The following CRACR2A variants were observed in gnomAD, a reference collection of about 807,000 sequenced individuals.
CRACR2A encodes the protein calcium release activated channel regulator 2A.
Under a neutral mutation model 90.5 loss-of-function variants are expected in CRACR2A, and 79 were observed. That is an observed-to-expected ratio of 0.87 (90% CI 0.73 to 1.05). The LOEUF (loss-of-function observed/expected upper bound fraction) is 1.05, where lower values mean the gene tolerates loss of function less well. CRACR2A is among the 50% of genes least tolerant of loss of function. CRACR2A has a pLI of 0.00. For synonymous variants in CRACR2A, 338 were observed against 356.7 expected, an observed-to-expected ratio of 0.95 and a Z score of 0.59; for missense variants, 823 against 897.2, an observed-to-expected ratio of 0.92 and a Z score of 1.06.
chr12:3,733,382 C>T (rs1212427117), intron 1 of CRACR2A, among the ~76,000 whole-genome samples, 172 bp from the exon 2 acceptor site: 1 of 152,222 alleles, frequency 6.6e-6, no homozygotes, highest in Non-Finnish European at 1.5e-5. Flanking sequence ...GGACAGTGAC[C>T]TCCTCCCCAG....
intron 8 of CRACR2A, 67 bp from the exon 9 acceptor site, chr12:3,656,473 TTC>T: frequency 6.7e-7 from 1 of 1,488,846 alleles, no homozygotes; most frequent in Non-Finnish European, 9.3e-7. Context: ...GATTTTTTTT[TTC>T]CCACCTTGAA....
At chr12:3,653,938 G>A (rs1944846671) in intron 10 of CRACR2A, among the ~76,000 whole-genome samples, 1 of 152,184 alleles carries the variant, frequency 6.6e-6, no homozygotes, top group Non-Finnish European at 1.5e-5. Flanking sequence ...CCTCATATTT[G>A]TTTGCGGAAT....
At chr12:3,738,802 A>G (rs1177460493) in intron 1 of CRACR2A, among the ~76,000 whole-genome samples, 2 of 152,244 alleles carry the variant, frequency 1.3e-5, no homozygotes, top group Non-Finnish European at 2.9e-5. Flanking sequence ...ATAAGCAGAC[A>G]CATGTCAGTG....
At chr12:3,720,225 A>AAAAGAAAG (rs757788405) in intron 2 of CRACR2A, among the ~76,000 whole-genome samples, 8,203 of 125,388 alleles carry the variant, frequency 0.065, 421 homozygotes, top group East Asian at 0.12. Context: ...AGAAGAAAGA[A>AAAAGAAAG]AAAGAAAGAA....
chr12:3,677,198 C>T (rs1945351321), intron 6 of CRACR2A, among the ~76,000 whole-genome samples: 1 of 152,216 alleles, frequency 6.6e-6, no homozygotes, highest in South Asian at 2.1e-4. Flanking sequence ...CAGAACAACA[C>T]ACAAATCATT....
intron 2 of CRACR2A, among the ~76,000 whole-genome samples, chr12:3,720,621 T>G (rs1317151676): frequency 6.6e-6 from 1 of 152,238 alleles, no homozygotes; most frequent in Non-Finnish European, 1.5e-5. Context: ...CTGCTTTGCA[T>G]TGACCTGTGG....
intron 6 of CRACR2A, among the ~76,000 whole-genome samples, chr12:3,677,792 T>C (rs1002060475): frequency 6.6e-6 from 1 of 152,132 alleles, no homozygotes; most frequent in African/African-American, 2.4e-5. Context: ...CTGCTGCTGG[T>C]CTTGAGTTCC....
chr12:3,646,435 C>T (rs937463066), intron 11 of CRACR2A, among the ~76,000 whole-genome samples: 11 of 152,326 alleles, frequency 7.2e-5, no homozygotes, highest in Non-Finnish European at 1.2e-4. Flanking sequence ...CCAGGCGCTC[C>T]GCTAAGTGTG....
chr12:3,745,825 T>TAAAAG (rs149739964), intron 1 of CRACR2A, among the ~76,000 whole-genome samples: 22 of 100,482 alleles, frequency 2.2e-4, no homozygotes, highest in Non-Finnish European at 3.3e-4. Context: ...TAAAATAAAA[T>TAAAAG]AAAGAAAGAA....
At chr12:3,624,070 A>G (rs957717485) in intron 17 of CRACR2A, among the ~76,000 whole-genome samples, 1 of 152,218 alleles carries the variant, frequency 6.6e-6, no homozygotes, top group Admixed American at 6.5e-5. Context: ...TGGGATAGTA[A>G]GAACTTCCTT....
intron 15 of CRACR2A, among the ~76,000 whole-genome samples, chr12:3,631,693 G>A (rs1488240944): frequency 6.6e-6 from 1 of 152,184 alleles, no homozygotes; most frequent in Non-Finnish European, 1.5e-5. Flanking sequence ...CAGAAGGAAA[G>A]GCATGGGAAG....
intron 2 of CRACR2A, among the ~76,000 whole-genome samples, chr12:3,723,982 T>G (rs928985452): frequency 4.6e-5 from 7 of 152,146 alleles, no homozygotes; most frequent in Admixed American, 2.0e-4. Context: ...TCTAGGACAA[T>G]GGGTAACGTC....
chr12:3,644,049 C>CATATATATATATATATATATAT (rs71441831), intron 12 of CRACR2A, among the ~76,000 whole-genome samples: 5 of 133,652 alleles, frequency 3.7e-5, no homozygotes, highest in African/African-American at 1.4e-4. Flanking sequence ...TTCTACGACT[C>CATATATATATATATATATATAT]ATATATATAT....
chr12:3,744,001 G>A (rs966204535), intron 1 of CRACR2A, among the ~76,000 whole-genome samples: 3 of 152,200 alleles, frequency 2.0e-5, no homozygotes, highest in Non-Finnish European at 4.4e-5. Context: ...GACAACCACA[G>A]CCTAGGAACA....
At chr12:3,618,181 A>AAC (rs1317661051) in intron 18 of CRACR2A, among the ~76,000 whole-genome samples, 1 of 148,902 alleles carries the variant, frequency 6.7e-6, no homozygotes, top group African/African-American at 2.5e-5. Flanking sequence ...AAAAAAAAAA[A>AAC]AGAAAAGAAA....
rs1311759747 is a variant in CRACR2A at position 3,627,466 on chromosome 12, C to T, written c.1902G>A (p.Leu634=). ...MYDLTDKQSF[L]SVRRWLSSVE... ...CGCTGCTCAGCCACCGCCGGACCGA[C>T]AGGAACGACTGCTTGTCTGTGAGAT... Residue 634 remains leucine, a synonymous_variant, in exon 17 of 20, where the codon CTG becomes CTA. Transcript: ENST00000440314. The T allele has an allele frequency of 3.2e-6, 5 of 1,552,054 alleles. No individual in the cohort carries two copies. In the African/African-American group the frequency reaches 4.1e-5, roughly 13 times the overall value.
At chr12:3,693,155 CGGGGGCTGCCGT>C (rs1045120028) in intron 4 of CRACR2A, among the ~76,000 whole-genome samples, 1 of 152,178 alleles carries the variant, frequency 6.6e-6, no homozygotes, top group Admixed American at 6.5e-5. Context: ...CAAAGCAATG[CGGGGGCTGCCGT>C]GGGCCTGGGG....
chr12:3,696,808 A>C lies in CRACR2A; in HGVS notation c.192T>G (p.Ala64=). Residue 64 remains alanine, a synonymous_variant, in exon 4 of 20, where the codon GCT becomes GCG. Transcript: ENST00000440314. ...KAQEFFQTCD[A]EGKGFIARKD... is the part of the protein sequence containing the mutation. ...TCCTGGCGATGAAGCCCTTGCCTTC[A>C]GCATCACAGGTCTGAAAGAACTCCT... 1.9e-6 allele frequency: 3 copies of C among 1,614,216 alleles called. No individual in the cohort carries two copies. Among genetic ancestry groups the C allele is most frequent in the Non-Finnish European group, 2.5e-6 (3 of 1,180,042 alleles).
intron 13 of CRACR2A, chr12:3,640,905 G>T (rs921425083): frequency 3.8e-6 from 4 of 1,051,286 alleles, no homozygotes; most frequent in East Asian, 6.1e-5. Context: ...AACAAAATGT[G>T]TTATGTTTGA....
Sources: allele counts gnomAD v4.1 joint callset (sites outside exome capture counted in the v4.1 genomes callset), GRCh38; gene constraint gnomAD v4.1.1; transcripts MANE v1.5; gene names NCBI Gene and HGNC (gene_info 2026-07-23, HGNC 2026-07-21).